The following MGAM variants were observed in gnomAD, a reference collection of about 807,000 sequenced individuals.
The protein encoded by MGAM is maltase-glucoamylase, also known as alpha-1,4-glucosidase.
A neutral mutation model predicts 358.8 loss-of-function variants in MGAM; 253 were observed. That is an observed-to-expected ratio of 0.71 (90% CI 0.64 to 0.78). The LOEUF (loss-of-function observed/expected upper bound fraction) is 0.78. Ranked by LOEUF, MGAM falls within the 30% of genes least tolerant of loss-of-function variation. MGAM has a pLI of 0.00. For missense variants in MGAM, 3,080 were observed against 3,432.6 expected (o/e 0.90, Z 2.57); for synonymous variants, 1,105 against 1,227.1 (o/e 0.90, Z 2.08).
chr7:142,051,515 C>CA (rs1810949307), intron 24 of MGAM, among the ~76,000 whole-genome samples: 1 of 151,942 alleles, frequency 6.6e-6, no homozygotes, highest in African/African-American at 2.4e-5. Context: ...AAAGAAGTGT[C>CA]AAGATAAGAA....
rs1257402882 is a variant in MGAM at position 142,082,513 on chromosome 7, G to T, written c.6210G>T (p.Met2070Ile). ...KNSYGVHPYY[M>I]GLEEDGSAHG... is the part of the protein sequence containing the mutation. Reference sequence around the variant, plus strand: ...CCTATGGTGTCCACCCCTACTACATGGGGCTAGAGGAGGATGGCAGTGCCC... The same window carrying T: ...CCTATGGTGTCCACCCCTACTACATTGGGCTAGAGGAGGATGGCAGTGCCC... Residue 2070 changes from methionine to isoleucine, a missense_variant, in exon 52 of 71, where the codon ATG (methionine) becomes ATT (isoleucine). Met to Ile is a conservative substitution (Grantham distance 10, BLOSUM62 1). Coordinates refer to ENST00000475668, the MANE Select transcript of MGAM (RefSeq NM_001365693.1). The T allele has an allele frequency of 1.3e-6, 2 of 1,535,920 alleles. No individual in the cohort carries two copies. The highest frequency in any genetic ancestry group is 2.7e-5 in the African/African-American group (2 of 74,464).
Position 142,030,506 on chromosome 7 carries a change from C to G in MGAM, c.1353+13C>G. ...TGTCATCATTGTGGTATGTACTGCC[C>G]TCTTTCCACCAAATTAGGTATTTGC... On this transcript the variant is annotated intron_variant, in intron 11 of 70. Transcript: ENST00000475668. The G allele has an allele frequency of 6.2e-7, 1 of 1,613,312 alleles. No individual in the cohort carries two copies. Among genetic ancestry groups the G allele is most frequent in the South Asian group, 1.1e-5 (1 of 91,024 alleles).
intron 3 of MGAM, among the ~76,000 whole-genome samples, chr7:142,014,945 T>C (rs990243339): frequency 6.6e-6 from 1 of 152,116 alleles, no homozygotes; most frequent in Non-Finnish European, 1.5e-5. Context: ...TAAGTTTTTT[T>C]TTACTTGCAT....
intron 65 of MGAM, among the ~76,000 whole-genome samples, chr7:142,096,715 T>C (rs1173975050): frequency 1.3e-5 from 2 of 152,148 alleles, no homozygotes; most frequent in Non-Finnish European, 2.9e-5. Context: ...GAAGATCAGA[T>C]GGGGGCAGTA....
rs763817086 is a variant in MGAM at position 142,053,868 on chromosome 7, T to G, written c.3159+884T>G. On this transcript the variant is annotated intron_variant, in intron 26 of 70. Transcript: ENST00000475668. ...ACCCTCCTTGTAACACTAGCATGTT[T>G]TAGGCACCTAATGGGTTTGAAGTGA... Among the ~76,000 whole-genome samples the G allele has an allele frequency of 5.3e-5, 8 of 152,290 alleles. No homozygotes were observed. In the South Asian group the frequency reaches 1.5e-3, roughly 28 times the overall value.
At chr7:142,008,424 T>C in intron 2 of MGAM, 82 bp from the exon 3 acceptor site, 1 of 1,402,468 alleles carries the variant, frequency 7.1e-7, no homozygotes, top group Non-Finnish European at 9.6e-7. Context: ...AGTAGTGGAG[T>C]TAATTGGAGG....
intron 50 of MGAM, 105 bp from the exon 51 acceptor site, chr7:142,081,937 G>C: frequency 8.4e-7 from 1 of 1,189,558 alleles, no homozygotes; most frequent in South Asian, 1.2e-5. Context: ...GAGATGAACA[G>C]CTTCTGGGTA....
intron 3 of MGAM, among the ~76,000 whole-genome samples, chr7:142,018,661 T>C (rs1394976961): frequency 6.6e-6 from 1 of 152,166 alleles, no homozygotes; most frequent in Non-Finnish European, 1.5e-5. Flanking sequence ...AAGAATCTAT[T>C]TGGGTGTCAA....
chr7:142,095,357 G>T (rs1205805047), intron 63 of MGAM, among the ~76,000 whole-genome samples: 1 of 152,174 alleles, frequency 6.6e-6, no homozygotes, highest in Non-Finnish European at 1.5e-5. Flanking sequence ...ATACCAAAAA[G>T]AATGTCTTAC....
intron 3 of MGAM, among the ~76,000 whole-genome samples, chr7:142,016,131 C>G (rs187810421): frequency 6.6e-6 from 1 of 152,106 alleles, no homozygotes; most frequent in Admixed American, 6.5e-5. Context: ...ACATAAAGTA[C>G]TTTCTTTGTT....
At chr7:142,003,621 C>T (rs1477306449) in intron 1 of MGAM, among the ~76,000 whole-genome samples, 2 of 151,962 alleles carry the variant, frequency 1.3e-5, no homozygotes, top group Non-Finnish European at 2.9e-5. Flanking sequence ...AGGAAACACT[C>T]TCTGGACATT....
chr7:142,077,841 G>A lies in MGAM; in HGVS notation c.5494-477G>A, dbSNP rs1228557139. ...CAATATACTACATAAATGCGAGCAT[G>A]ATAACCAGGTCATATGATTCTTATT... On this transcript the variant is annotated intron_variant, in intron 47 of 70. Coordinates refer to ENST00000475668, the MANE Select transcript of MGAM (RefSeq NM_001365693.1). 2.1e-5 allele frequency among the ~76,000 whole-genome samples: 3 copies of A among 145,508 alleles called. 1 individual carries two copies. Among genetic ancestry groups the A allele is most frequent in the Non-Finnish European group, 4.7e-5 (3 of 64,254 alleles).
chr7:142,040,795 G>T lies in MGAM; in HGVS notation c.2447G>T (p.Arg816Leu), dbSNP rs947903146. Reference sequence around the variant, plus strand: ...GGAGACAAAATTGGACTTCACCTTCGAGGAGGCTACATCTTCCCCACACAG... The same window carrying T: ...GGAGACAAAATTGGACTTCACCTTCTAGGAGGCTACATCTTCCCCACACAG... Reference protein sequence around the residue: ...LPGDKIGLHLRGGYIFPTQQP... With the variant: ...LPGDKIGLHLLGGYIFPTQQP... Residue 816 changes from arginine (R) to leucine (L), a missense_variant, in exon 21 of 71, where the codon CGA becomes CTA. Around this residue, in one of 5 missense-constraint regions of MGAM, gnomAD observed 1,816 missense variants for 1,840.5 expected, o/e 0.99. Coordinates refer to ENST00000475668, the MANE Select transcript of MGAM (RefSeq NM_001365693.1). 6.2e-7 allele frequency: 1 copy of T among 1,613,102 alleles called. No individual in the cohort carries two copies. Among genetic ancestry groups the T allele is most frequent in the Non-Finnish European group, 8.5e-7 (1 of 1,179,492 alleles).
Position 142,100,840 on chromosome 7 carries a change from A to T in MGAM, c.7913A>T (p.Asp2638Val), listed in dbSNP as rs1406058828. Reference protein sequence around the residue: ...KFMGFKIALDDEGTAGGWLFW... With the variant: ...KFMGFKIALDVEGTAGGWLFW... ...ATGGGCTTCAAAATTGCCTTGGATG[A>T]TGAAGGAACTGCTGGGGGCTGGCTC... is the stretch of plus-strand genomic sequence containing the variant. The change falls in exon 68 of 71, where the codon GAT (aspartate) becomes GTT (valine). Residue 2638 changes from aspartate (D) to valine (V), a missense_variant. Around this residue, in one of 5 missense-constraint regions of MGAM, gnomAD observed 194 missense variants for 172.8 expected, o/e 1.12. Coordinates refer to ENST00000475668, the MANE Select transcript of MGAM (RefSeq NM_001365693.1). 6.2e-7 allele frequency: 1 copy of T among 1,613,174 alleles called. No individual in the cohort carries two copies. The highest frequency in any genetic ancestry group is 8.5e-7 in the Non-Finnish European group (1 of 1,179,680).
chr7:142,098,169 A>T (rs1285762221), intron 66 of MGAM, among the ~76,000 whole-genome samples: 3 of 152,096 alleles, frequency 2.0e-5, no homozygotes, highest in Non-Finnish European at 4.4e-5. Flanking sequence ...GAGGTATGGG[A>T]CCCAACCCTT....
intron 47 of MGAM, among the ~76,000 whole-genome samples, chr7:142,077,132 G>T (rs2129050537): frequency 6.8e-6 from 1 of 146,174 alleles, no homozygotes; most frequent in Middle Eastern, 3.5e-3. Context: ...CAGCAAAGTT[G>T]GAAAGTGGGG....
At chr7:142,040,996 G>C (rs528618104) in intron 21 of MGAM, 150 bp downstream of exon 21, 1 of 952,074 alleles carries the variant, frequency 1.1e-6, no homozygotes, top group African/African-American at 1.7e-5. Context: ...TCTTCCCTTG[G>C]GAGGCTTTTC....
intron 21 of MGAM, among the ~76,000 whole-genome samples, chr7:142,047,228 G>T (rs1268536373): frequency 2.0e-5 from 3 of 152,204 alleles, no homozygotes; most frequent in African/African-American, 7.2e-5. Flanking sequence ...AATGTTTTGT[G>T]TTTCTTATTC....
rs369904811 is a variant in MGAM at position 142,030,599 on chromosome 7, G to A, written c.1354-42G>A. The A allele has an allele frequency of 1.6e-5, 26 of 1,602,238 alleles. No homozygotes were observed. The African/African-American group carries it at 1.9e-4, about 12-fold the overall frequency. Reference sequence around the variant, plus strand: ...TTCCCAGTCTCCTTTCAGTGCCTCCGGTTTCCAGCTAGTTTGTTCATTGTA... The same window carrying A: ...TTCCCAGTCTCCTTTCAGTGCCTCCAGTTTCCAGCTAGTTTGTTCATTGTA... On this transcript the variant is annotated intron_variant, in intron 11 of 70. Transcript: ENST00000475668.
Sources: allele counts gnomAD v4.1 joint callset (sites outside exome capture counted in the v4.1 genomes callset), GRCh38; gene constraint gnomAD v4.1.1; regional missense constraint gnomAD v4.1.1; transcripts MANE v1.5; gene names NCBI Gene and HGNC (gene_info 2026-07-23, HGNC 2026-07-21).